CMIP: variants seen among roughly 807,000 people sequenced by gnomAD.
CMIP encodes c-Maf inducing protein.
Under a neutral mutation model 97.3 loss-of-function variants are expected in CMIP, and 13 were observed. The ratio of observed to expected loss-of-function variants is 0.13; its 90% CI spans 0.09 to 0.21. The LOEUF is 0.21. CMIP is among the 10% of genes least tolerant of loss of function. The pLI is 1.00. For synonymous variants in CMIP, 538 were observed against 436.3 expected, an observed-to-expected ratio of 1.23 and a Z score of -2.91; for missense variants, 847 against 1,024.9, an observed-to-expected ratio of 0.83 and a Z score of 2.37.
intron 1 of CMIP, among the ~76,000 whole-genome samples, chr16:81,578,916 T>G (rs1304114441): frequency 1.3e-5 from 2 of 152,234 alleles, no homozygotes; most frequent in African/African-American, 2.4e-5. Flanking sequence ...CCCAGATGCT[T>G]CTTCTCCTTT....
In CMIP at chr16:81,621,022, T is replaced by G. The variant is rs775018691; in HGVS notation, c.477+96T>G. The G allele has an allele frequency of 1.3e-5, 19 of 1,500,540 alleles. No individual in the cohort carries two copies. The highest frequency in any genetic ancestry group is 1.7e-5 in the Non-Finnish European group (19 of 1,089,070). The allele number at this position is 1,500,540 out of a possible 1,614,324, so 93.0% of individuals were successfully genotyped here. ...ACCCAGAGGCATGAAAGTGGAGAAC[T>G]CATGCCTTCCAGATGGCTCAGCTGA... is the stretch of plus-strand genomic sequence containing the variant. On this transcript the variant is annotated intron_variant, in intron 3 of 20. Coordinates refer to ENST00000537098, the MANE Select transcript of CMIP (RefSeq NM_198390.3). This position sits in a 1 kb window ranked among gnomAD's most constrained non-coding sequence, Gnocchi z 4.1.
chr16:81,667,787 AGAGAGAGAGAGAGTGTGTGTGTGT>A (rs2092621571), intron 7 of CMIP, among the ~76,000 whole-genome samples: 1 of 125,710 alleles, frequency 8.0e-6, no homozygotes, highest in Non-Finnish European at 1.7e-5. Flanking sequence ...AGAGAGAGAG[AGAGAGAGAGAGAGTGTGTGTGTGT>A]GTGTGTGTGT....
chr16:81,642,874 T>C (rs142030822), intron 3 of CMIP, among the ~76,000 whole-genome samples: 1 of 151,890 alleles, frequency 6.6e-6, no homozygotes, highest in Non-Finnish European at 1.5e-5. Flanking sequence ...CCAGCCTGGG[T>C]AACAGAGTGA....
At chr16:81,545,565 C>T (rs560580135) in intron 1 of CMIP, among the ~76,000 whole-genome samples, 1 of 152,302 alleles carries the variant, frequency 6.6e-6, no homozygotes, top group East Asian at 1.9e-4. Context: ...CAGCATCCTC[C>T]TCCATCTACA....
intron 1 of CMIP, chr16:81,519,522 T>C (rs898082473): frequency 1.3e-5 from 2 of 152,114 alleles, no homozygotes; most frequent in Non-Finnish European, 2.9e-5. Context: ...GTCCAGGAAA[T>C]AGTGTGTGCA....
At chr16:81,476,656 G>A (rs986757266) in intron 1 of CMIP, 13 of 382,478 alleles carry the variant, frequency 3.4e-5, no homozygotes, top group African/African-American at 2.1e-4. Flanking sequence ...CTTACTTTCT[G>A]TATATGAGAT....
chr16:81,465,422 A>G lies in CMIP; in HGVS notation c.300+19881A>G, dbSNP rs1288108650. Among the ~76,000 whole-genome samples the G allele has an allele frequency of 3.3e-5, 5 of 152,174 alleles. No individual in the cohort carries two copies. In the East Asian group the frequency reaches 9.7e-4, roughly 29 times the overall value. On this transcript the variant is annotated intron_variant, in intron 1 of 20. Transcript: ENST00000537098. ...TGCGTCCTTGATAGGGGCAGGATGC[A>G]CCCCGTGTCTGACGCTGTGTCCTGC...
intron 14 of CMIP, among the ~76,000 whole-genome samples, chr16:81,699,377 G>T (rs562687225): frequency 6.6e-6 from 1 of 152,294 alleles, no homozygotes; most frequent in African/African-American, 2.4e-5. Flanking sequence ...TTGCTGAGCT[G>T]GGGCTTATAG....
chr16:81,525,524 C>CA (rs1226846896), intron 1 of CMIP, among the ~76,000 whole-genome samples: 3 of 152,026 alleles, frequency 2.0e-5, no homozygotes. Flanking sequence ...TCTTAAAAAA[C>CA]ATTTTTTTTA....
chr16:81,685,495 A>G (rs1905282125), intron 10 of CMIP, among the ~76,000 whole-genome samples: 1 of 152,086 alleles, frequency 6.6e-6, no homozygotes, highest in African/African-American at 2.4e-5. Flanking sequence ...TCTGCATTTC[A>G]TGACATTTCT....
At chr16:81,562,395 C>T (rs1437277744) in intron 1 of CMIP, among the ~76,000 whole-genome samples, 2 of 152,258 alleles carry the variant, frequency 1.3e-5, no homozygotes, top group Non-Finnish European at 2.9e-5. Flanking sequence ...CATCAGCATT[C>T]TCTCATCCCA....
At chr16:81,702,112 T>G (rs973458172) in intron 16 of CMIP, among the ~76,000 whole-genome samples, 1 of 152,160 alleles carries the variant, frequency 6.6e-6, no homozygotes, top group African/African-American at 2.4e-5. Context: ...CCACACCTCT[T>G]TGCTGAAGGA....
At chr16:81,570,259 G>A (rs1042481466) in intron 1 of CMIP, among the ~76,000 whole-genome samples, 1 of 152,166 alleles carries the variant, frequency 6.6e-6, no homozygotes, top group Non-Finnish European at 1.5e-5. Flanking sequence ...TCCTCTGGGG[G>A]TCGTGGACCT....
At chr16:81,521,824 G>A (rs1004444355) in intron 1 of CMIP, among the ~76,000 whole-genome samples, 2 of 152,142 alleles carry the variant, frequency 1.3e-5, no homozygotes, top group African/African-American at 4.8e-5. Flanking sequence ...ATTGGGAGTT[G>A]GCCGAGATTA....
intron 3 of CMIP, among the ~76,000 whole-genome samples, chr16:81,649,449 CTG>C (rs2092402535): frequency 6.6e-6 from 1 of 152,242 alleles, no homozygotes; most frequent in African/African-American, 2.4e-5. Context: ...TGAGTGGCAT[CTG>C]TGTGTGGAGA....
intron 3 of CMIP, among the ~76,000 whole-genome samples, chr16:81,629,602 C>T (rs1270263610): frequency 2.6e-5 from 4 of 152,230 alleles, no homozygotes; most frequent in Non-Finnish European, 4.4e-5. Flanking sequence ...AGGTCAGCAC[C>T]CCCAGCTCCT....
intron 3 of CMIP, among the ~76,000 whole-genome samples, chr16:81,641,433 T>A (rs1300084445): frequency 6.6e-6 from 1 of 152,172 alleles, no homozygotes; most frequent in African/African-American, 2.4e-5. Context: ...TTTTTTAATG[T>A]GCTCAAACAG....
At chr16:81,516,960 A>G (rs1000247558) in intron 1 of CMIP, among the ~76,000 whole-genome samples, 2 of 151,980 alleles carry the variant, frequency 1.3e-5, no homozygotes, top group East Asian at 1.9e-4. Flanking sequence ...ATGGCCTCCA[A>G]GGTCTTCAGT....
intron 3 of CMIP, among the ~76,000 whole-genome samples, chr16:81,647,554 G>T (rs1312377279): frequency 6.6e-6 from 1 of 152,140 alleles, no homozygotes; most frequent in Non-Finnish European, 1.5e-5. Flanking sequence ...CACTTCAGAA[G>T]AATCCAGTGG....
Sources: allele counts gnomAD v4.1 joint callset (sites outside exome capture counted in the v4.1 genomes callset), GRCh38; gene constraint gnomAD v4.1.1; non-coding constraint Gnocchi (gnomAD v3.1); transcripts MANE v1.5; gene names NCBI Gene and HGNC (gene_info 2026-07-23, HGNC 2026-07-21).